C21orf91: variants seen among roughly 807,000 people sequenced by gnomAD.
C21orf91 encodes protein EURL homolog.
In C21orf91, 26 loss-of-function variants were observed where a neutral mutation model predicts 32.9. The ratio of observed to expected loss-of-function variants is 0.79; its 90% CI spans 0.58 to 1.10. C21orf91 has a LOEUF of 1.10. Among genes scored for constraint, C21orf91 ranks in the 50% least tolerant of loss-of-function variants. C21orf91 has a pLI of 0.00. For synonymous variants in C21orf91, 126 were observed against 120.4 expected (o/e 1.05, Z -0.31); for missense variants, 310 against 341.3 (o/e 0.91, Z 0.72).
chr21:17,807,230 T>TC (rs1366178069), intron 2 of C21orf91, among the ~76,000 whole-genome samples: 1 of 152,006 alleles, frequency 6.6e-6, no homozygotes, highest in Non-Finnish European at 1.5e-5. Context: ...GGAGCAAACT[T>TC]CCCCCCTTGC....
At chr21:17,800,202 C>T (rs1190384950) in intron 2 of C21orf91, among the ~76,000 whole-genome samples, 1 of 152,130 alleles carries the variant, frequency 6.6e-6, no homozygotes, top group Non-Finnish European at 1.5e-5. Flanking sequence ...ATATATACCT[C>T]TAATTTCTTT....
chr21:17,793,436 C>A lies in C21orf91; in HGVS notation c.873G>T (p.Ser291=). The part of the protein sequence containing the change: ...CLQVGRTGMK[S]HLPINN ...TAGGTCAGTTGTTTATGGGTAGGTGCGACTTCATTCCTGTTCGCCCTACTT... is the reference window on the plus strand; with the variant it reads ...TAGGTCAGTTGTTTATGGGTAGGTGAGACTTCATTCCTGTTCGCCCTACTT... Residue 291 remains serine (S), a synonymous_variant, in exon 5 of 5, where the codon TCG becomes TCT. Transcript: ENST00000284881. 2 of 1,610,412 alleles carry A rather than the reference C, an allele frequency of 1.2e-6. No homozygotes were observed.
chr21:17,815,808 G>A (rs954867466), intron 2 of C21orf91, among the ~76,000 whole-genome samples: 2 of 152,130 alleles, frequency 1.3e-5, no homozygotes, highest in Non-Finnish European at 2.9e-5. Flanking sequence ...TTACAGGCAT[G>A]TGCCACCATG....
chr21:17,813,464 T>G (rs1012926626), intron 2 of C21orf91, among the ~76,000 whole-genome samples: 1 of 152,214 alleles, frequency 6.6e-6, no homozygotes, highest in Non-Finnish European at 1.5e-5. Context: ...TTGGAAAGAT[T>G]GCTAAGGAGC....
chr21:17,802,039 TATCCCC>T, intron 2 of C21orf91, among the ~76,000 whole-genome samples: 1 of 152,212 alleles, frequency 6.6e-6, no homozygotes, highest in East Asian at 1.9e-4. Flanking sequence ...TCTGGCATGC[TATCCCC>T]ATCTCTATCC....
rs889104908 is a variant in C21orf91, at chr21:17,790,970, A to G, written c.*2445T>C. 1 of 152,140 alleles carries G rather than the reference A, an allele frequency of 6.6e-6. No individual in the cohort carries two copies. The highest frequency in any genetic ancestry group is 1.5e-5 in the Non-Finnish European group (1 of 67,948). The allele number at this position is 152,140 out of a possible 1,614,324, so 9.4% of individuals were successfully genotyped here. The stretch of plus-strand genomic sequence containing the variant: ...TCTGTTTTGCCACTTTTTAAACAGT[A>G]GTACATGAGATATGCTTCAAAACAT... On this transcript the variant is annotated 3_prime_UTR_variant, in exon 5 of 5. Transcript: ENST00000284881.
chr21:17,816,192 G>A (rs915747775), intron 2 of C21orf91, among the ~76,000 whole-genome samples: 1 of 152,146 alleles, frequency 6.6e-6, no homozygotes, highest in Middle Eastern at 3.2e-3. Context: ...ACACTGAAGG[G>A]AACTATGATT....
chr21:17,804,274 C>G (rs1405194431), intron 2 of C21orf91, among the ~76,000 whole-genome samples: 2 of 152,220 alleles, frequency 1.3e-5, no homozygotes, highest in Admixed American at 1.3e-4. Flanking sequence ...GTGACCAAGG[C>G]AGAAGATTAG....
At position 17,791,615 on chromosome 21, in the gene C21orf91, T is replaced by C. The variant is rs796797511; in HGVS notation, c.*1800A>G. ...TGAATTACGCCAAAAAAGAGTAAAG[T>C]CAAATTTGAAAATGTGGGAACAATT... On this transcript the variant is annotated 3_prime_UTR_variant, in exon 5 of 5. Coordinates refer to ENST00000284881, the MANE Select transcript of C21orf91 (RefSeq NM_001100420.2). The C allele has an allele frequency of 8.5e-5, 13 of 152,254 alleles. No homozygotes were observed. The highest frequency in any genetic ancestry group is 3.1e-4 in the African/African-American group (13 of 41,568). 9.4% of individuals were successfully genotyped at this position (152,254 alleles called of 1,614,324 possible).
intron 2 of C21orf91, among the ~76,000 whole-genome samples, chr21:17,797,602 CA>C (rs1378969121): frequency 6.7e-6 from 1 of 149,268 alleles, no homozygotes; most frequent in East Asian, 1.9e-4. Context: ...AAACCAGAAC[CA>C]GAAAAATGCA....
chr21:17,793,764 T>C (rs2062496519), intron 4 of C21orf91, among the ~76,000 whole-genome samples, 183 bp from the exon 5 acceptor site: 1 of 152,228 alleles, frequency 6.6e-6, no homozygotes, highest in Non-Finnish European at 1.5e-5. Flanking sequence ...TAGGCATCTG[T>C]ATACTTTACA....
chr21:17,812,826 A>AC (rs1481876954), intron 2 of C21orf91, among the ~76,000 whole-genome samples: 1 of 151,652 alleles, frequency 6.6e-6, no homozygotes, highest in Non-Finnish European at 1.5e-5. Context: ...AACAAAAAAA[A>AC]ACAAACAAAA....
intron 2 of C21orf91, among the ~76,000 whole-genome samples, chr21:17,803,923 A>G (rs956532742): frequency 2.6e-5 from 4 of 152,226 alleles, no homozygotes; most frequent in African/African-American, 9.6e-5. Context: ...AAAATTAAAA[A>G]CAAAATGAGA....
At chr21:17,814,837 T>C (rs911307018) in intron 2 of C21orf91, among the ~76,000 whole-genome samples, 6 of 152,100 alleles carry the variant, frequency 3.9e-5, no homozygotes, top group African/African-American at 1.4e-4. Context: ...GAGATTTAGG[T>C]GGGGACACAG....
At chr21:17,815,846 G>T (rs1238640680) in intron 2 of C21orf91, among the ~76,000 whole-genome samples, 1 of 152,122 alleles carries the variant, frequency 6.6e-6, no homozygotes, top group Non-Finnish European at 1.5e-5. Context: ...TTTTAGTAGA[G>T]ACGGGGTTTC....
chr21:17,807,457 A>G (rs2062604800), intron 2 of C21orf91, among the ~76,000 whole-genome samples: 1 of 152,216 alleles, frequency 6.6e-6, no homozygotes, highest in Non-Finnish European at 1.5e-5. Flanking sequence ...CAATACAGAA[A>G]ATCAGTACTG....
intron 2 of C21orf91, among the ~76,000 whole-genome samples, chr21:17,806,954 C>T (rs2824499): frequency 0.21 from 31,453 of 152,050 alleles, 3,443 homozygotes; most frequent in East Asian, 0.39. Context: ...TATTCACTCT[C>T]AACTGAGAAT....
intron 2 of C21orf91, among the ~76,000 whole-genome samples, chr21:17,815,527 T>C (rs188736570): frequency 1.3e-5 from 2 of 152,338 alleles, no homozygotes; most frequent in Admixed American, 1.3e-4. Flanking sequence ...ACAACAAATA[T>C]ACCTTGTTAT....
intron 2 of C21orf91, among the ~76,000 whole-genome samples, chr21:17,799,097 T>C (rs1417673191): frequency 6.6e-6 from 1 of 152,174 alleles, no homozygotes; most frequent in Non-Finnish European, 1.5e-5. Flanking sequence ...ATAAAAAAGG[T>C]TGTGAACTAG....
Sources: allele counts gnomAD v4.1 joint callset (sites outside exome capture counted in the v4.1 genomes callset), GRCh38; gene constraint gnomAD v4.1.1; transcripts MANE v1.5; gene names NCBI Gene and HGNC (gene_info 2026-07-23, HGNC 2026-07-21).